FBXL13: variants seen among roughly 807,000 people sequenced by gnomAD.
FBXL13 encodes F-box and leucine rich repeat protein 13.
A neutral mutation model predicts 83.6 loss-of-function variants in FBXL13; 67 were observed. The ratio of observed to expected loss-of-function variants is 0.80; its 90% CI spans 0.66 to 0.98. FBXL13 has a LOEUF of 0.98. Among genes scored for constraint, FBXL13 ranks in the 50% least tolerant of loss-of-function variants. The probability of loss-of-function intolerance (pLI) is 0.00; values close to 1 mark genes in which losing one functional copy is unlikely to be tolerated. For synonymous variants in FBXL13, 272 were observed against 299.5 expected (o/e 0.91, Z 0.95); for missense variants, 822 against 866.5 (o/e 0.95, Z 0.64).
At chr7:102,905,566 G>T (rs865856773) in intron 11 of FBXL13, among the ~76,000 whole-genome samples, 43 of 152,094 alleles carry the variant, frequency 2.8e-4, no homozygotes, top group African/African-American at 9.9e-4. Flanking sequence ...CATCCATTCA[G>T]CCATTCTATA....
intron 16 of FBXL13, among the ~76,000 whole-genome samples, chr7:102,863,833 C>A (rs758096305): frequency 6.6e-6 from 1 of 152,068 alleles, no homozygotes; most frequent in Non-Finnish European, 1.5e-5. Flanking sequence ...TCACAACTGA[C>A]CAAATAAAAA....
intron 1 of FBXL13, among the ~76,000 whole-genome samples, chr7:103,066,988 T>C (rs1798462074): frequency 6.6e-6 from 1 of 152,096 alleles, no homozygotes; most frequent in African/African-American, 2.4e-5. Flanking sequence ...TTTCTCCATG[T>C]TGGTCAGGCT....
intron 6 of FBXL13, among the ~76,000 whole-genome samples, chr7:102,990,260 G>A (rs149398760): frequency 1.3e-5 from 2 of 151,832 alleles, no homozygotes; most frequent in African/African-American, 4.8e-5. Flanking sequence ...TGGGTGTGAG[G>A]AGAGAGCAAG....
intron 6 of FBXL13, among the ~76,000 whole-genome samples, chr7:102,970,429 C>G (rs1826509012): frequency 6.6e-6 from 1 of 152,128 alleles, no homozygotes; most frequent in Non-Finnish European, 1.5e-5. Flanking sequence ...TTTCATCATG[C>G]CTGGGATCCA....
At chr7:103,029,484 C>T (rs902068808) in intron 2 of FBXL13, 66 bp from the exon 4 acceptor site, 1 of 854,634 alleles carries the variant, frequency 1.2e-6, no homozygotes, top group South Asian at 2.2e-5. Context: ...ACTACCTCTG[C>T]AAGATACTCA....
intron 19 of FBXL13, among the ~76,000 whole-genome samples, chr7:102,817,269 T>C (rs1194806664): frequency 1.3e-5 from 2 of 152,214 alleles, no homozygotes; most frequent in African/African-American, 4.8e-5. Flanking sequence ...CCAGCATCTT[T>C]TATTTTTTGA....
At chr7:102,970,394 G>A (rs887336887) in intron 6 of FBXL13, among the ~76,000 whole-genome samples, 1 of 152,130 alleles carries the variant, frequency 6.6e-6, no homozygotes, top group African/African-American at 2.4e-5. Context: ...CCAAAGGCCA[G>A]CGATTATGTG....
intron 1 of FBXL13, among the ~76,000 whole-genome samples, chr7:103,066,047 A>G (rs1470539188): frequency 1.3e-5 from 2 of 152,250 alleles, no homozygotes. Flanking sequence ...AGGCTTAACA[A>G]CATGCTAGCC....
chr7:103,002,399 T>C (rs1234898112), intron 6 of FBXL13, among the ~76,000 whole-genome samples: 1 of 152,218 alleles, frequency 6.6e-6, no homozygotes, highest in Admixed American at 6.5e-5. Context: ...TTATTTTCAA[T>C]AGATTTATTT....
intron 1 of FBXL13, among the ~76,000 whole-genome samples, chr7:103,056,848 G>A (rs1797390503): frequency 6.6e-6 from 1 of 151,612 alleles, no homozygotes. Context: ...TTTGATTATG[G>A]CCATTCTTGC....
At chr7:102,854,263 T>G (rs1805696118) in intron 17 of FBXL13, among the ~76,000 whole-genome samples, 1 of 151,322 alleles carries the variant, frequency 6.6e-6, no homozygotes, top group South Asian at 2.1e-4. Context: ...CAGTAAACTA[T>G]CACAAAAACA....
intron 16 of FBXL13, among the ~76,000 whole-genome samples, chr7:102,855,325 C>G (rs1805875845): frequency 6.6e-6 from 1 of 152,036 alleles, no homozygotes; most frequent in South Asian, 2.1e-4. Context: ...GAGAATAGAT[C>G]TTTATATAAA....
intron 17 of FBXL13, 42 bp downstream of exon 18, chr7:102,854,735 T>A (rs752331039): frequency 7.7e-7 from 1 of 1,290,952 alleles, no homozygotes; most frequent in Non-Finnish European, 1.1e-6. Flanking sequence ...AAAAGAAAAA[T>A]TTCAATCTTA....
At chr7:102,874,029 T>C (rs938118569) in intron 16 of FBXL13, among the ~76,000 whole-genome samples, 6 of 152,208 alleles carry the variant, frequency 3.9e-5, no homozygotes, top group Non-Finnish European at 8.8e-5. Flanking sequence ...CTGAGCACAA[T>C]GTAGTCAGAG....
intron 8 of FBXL13, chr7:102,934,310 A>G (rs1216065688): frequency 6.2e-7 from 1 of 1,614,036 alleles, no homozygotes; most frequent in Admixed American, 1.7e-5. Flanking sequence ...CAAACTCACC[A>G]CCCTCTTACT....
chr7:102,861,857 T>C (rs1390886749), intron 16 of FBXL13, among the ~76,000 whole-genome samples: 1 of 151,780 alleles, frequency 6.6e-6, no homozygotes, highest in Non-Finnish European at 1.5e-5. Context: ...TGGCAGGTGC[T>C]TGTAATCCCG....
chr7:102,858,285 G>T (rs1399259959), intron 16 of FBXL13, among the ~76,000 whole-genome samples: 1 of 152,168 alleles, frequency 6.6e-6, no homozygotes, highest in Non-Finnish European at 1.5e-5. Context: ...TGGGAAGAGT[G>T]GCAGGGAGGG....
chr7:102,825,556 A>G (rs1457306304), intron 18 of FBXL13, among the ~76,000 whole-genome samples: 1 of 152,202 alleles, frequency 6.6e-6, no homozygotes, highest in Non-Finnish European at 1.5e-5. Context: ...TCTGTTATAC[A>G]CAACAGAAAA....
chr7:102,912,550 A>C (rs17135916), intron 11 of FBXL13, among the ~76,000 whole-genome samples: 25,794 of 152,080 alleles, frequency 0.17, 2,233 homozygotes, highest in Middle Eastern at 0.23. Context: ...CCTCAAACTT[A>C]AAATATTTTC....
Sources: allele counts gnomAD v4.1 joint callset (sites outside exome capture counted in the v4.1 genomes callset), GRCh38; gene constraint gnomAD v4.1.1; transcripts MANE v1.5; gene names NCBI Gene and HGNC (gene_info 2026-07-23, HGNC 2026-07-21).